Variants in SPAG9 observed in about 807,000 individuals in gnomAD.
The protein encoded by SPAG9 is sperm associated antigen 9, also known as C-Jun-amino-terminal kinase-interacting protein 4.
A neutral mutation model predicts 166.5 loss-of-function variants in SPAG9; 35 were observed. The observed-to-expected ratio is 0.21, with a 90% CI of 0.16 to 0.28. SPAG9 has a LOEUF of 0.28. Ranked by LOEUF, SPAG9 falls within the 10% of genes least tolerant of loss-of-function variation. The pLI, the probability that SPAG9 is intolerant of heterozygous loss-of-function variation, is 1.00. For missense variants in SPAG9, 1,235 were observed against 1,603.3 expected (o/e 0.77, Z 3.92); for synonymous variants, 534 against 565.5 (o/e 0.94, Z 0.79).
intron 3 of SPAG9, among the ~76,000 whole-genome samples, chr17:51,054,949 T>C (rs961281102): frequency 6.6e-6 from 1 of 152,200 alleles, no homozygotes; most frequent in Non-Finnish European, 1.5e-5. Context: ...TTCTACACCC[T>C]ACCCCAAGAA....
At chr17:51,039,292 AATGACAGGG>A (rs748392570) in intron 5 of SPAG9, among the ~76,000 whole-genome samples, 1 of 152,186 alleles carries the variant, frequency 6.6e-6, no homozygotes, top group Non-Finnish European at 1.5e-5. Context: ...CAGAAACCAA[AATGACAGGG>A]CATGTGACAT....
At position 51,030,574 on chromosome 17, in the gene SPAG9, G is replaced by A. The variant is rs553788743; in HGVS notation, c.783+1107C>T. ...TGTGGCATAAAAGAGTTACAAAATG[G>A]TGTGTACATACATTCTTCTGGAGAG... On this transcript the variant is annotated intron_variant, in intron 6 of 29. Coordinates refer to ENST00000262013, the MANE Select transcript of SPAG9 (RefSeq NM_001130528.3). 2.6e-5 allele frequency among the ~76,000 whole-genome samples: 4 copies of A among 152,264 alleles called. No individual in the cohort carries two copies. In the South Asian group the frequency reaches 8.3e-4, roughly 32 times the overall value.
chr17:50,985,811 A>G, intron 22 of SPAG9, 33 bp from the exon 23 acceptor site: 2 of 1,257,192 alleles, frequency 1.6e-6, no homozygotes, highest in Non-Finnish European at 2.3e-6. Flanking sequence ...GGTAAGGCAT[A>G]GAGAACATCA....
intron 6 of SPAG9, chr17:51,031,457 C>A (rs2046381541): frequency 3.7e-6 from 2 of 543,602 alleles, no homozygotes; most frequent in Admixed American, 3.2e-5. Flanking sequence ...ATTTTCTTTC[C>A]TTTATTTAAA....
chr17:51,091,724 T>C (rs925716613), intron 1 of SPAG9, among the ~76,000 whole-genome samples: 16 of 151,866 alleles, frequency 1.1e-4, no homozygotes, highest in African/African-American at 3.9e-4. Flanking sequence ...ACATCTTCAC[T>C]AAATACCCCT....
At chr17:51,013,457 G>C (rs1003266178) in intron 9 of SPAG9, among the ~76,000 whole-genome samples, 3 of 152,154 alleles carry the variant, frequency 2.0e-5, no homozygotes, top group Non-Finnish European at 4.4e-5. Flanking sequence ...ACTCAACTCT[G>C]CTGTTGGTAG....
intron 2 of SPAG9, among the ~76,000 whole-genome samples, chr17:51,077,045 GCTAT>G (rs748664225): frequency 0.022 from 2,137 of 98,982 alleles, 69 homozygotes; most frequent in African/African-American, 0.053. Flanking sequence ...TAGCTATCTA[GCTAT>G]CTAGCTAGCT....
rs538763754 is a variant in SPAG9 at position 51,017,161 on chromosome 17, G to A, written c.1092-2808C>T. The stretch of plus-strand genomic sequence containing the variant: ...TATTTGATCTACAAAATACAGAAAA[G>A]GATTTAAGTGAGTATTTTTTCCATT... On this transcript the variant is annotated intron_variant, in intron 8 of 29. Coordinates refer to ENST00000262013, the MANE Select transcript of SPAG9 (RefSeq NM_001130528.3). Among the ~76,000 whole-genome samples, 4 of 152,282 alleles carry A rather than the reference G, an allele frequency of 2.6e-5. No individual in the cohort carries two copies. In the South Asian group the frequency reaches 8.3e-4, roughly 32 times the overall value.
intron 29 of SPAG9, among the ~76,000 whole-genome samples, chr17:50,968,682 G>C (rs985462225): frequency 3.9e-5 from 6 of 152,106 alleles, no homozygotes; most frequent in Non-Finnish European, 8.8e-5. Flanking sequence ...AGTGAGCCAA[G>C]ATTGTGCCAC....
intron 1 of SPAG9, among the ~76,000 whole-genome samples, chr17:51,104,372 T>C (rs1005557689): frequency 3.3e-4 from 50 of 152,114 alleles, no homozygotes; most frequent in Non-Finnish European, 8.8e-5. Flanking sequence ...CGTGGTGGCT[T>C]ACACCTGTAA....
intron 1 of SPAG9, among the ~76,000 whole-genome samples, chr17:51,100,588 T>A (rs1256283155): frequency 6.6e-6 from 1 of 151,950 alleles, no homozygotes; most frequent in Non-Finnish European, 1.5e-5. Flanking sequence ...GCCATAATCG[T>A]GCCACTGCAC....
chr17:51,038,164 G>T (rs2046693480), intron 5 of SPAG9, among the ~76,000 whole-genome samples: 1 of 152,136 alleles, frequency 6.6e-6, no homozygotes, highest in Non-Finnish European at 1.5e-5. Context: ...TGTATGTGAG[G>T]AAACTATAAA....
At chr17:51,022,122 C>CA (rs747116014) in intron 6 of SPAG9, among the ~76,000 whole-genome samples, 5,413 of 47,844 alleles carry the variant, frequency 0.11, 431 homozygotes, top group African/African-American at 0.26. Context: ...GACTCCATCT[C>CA]AAAAAAAAAA....
At chr17:51,045,225 C>T (rs961635533) in intron 4 of SPAG9, among the ~76,000 whole-genome samples, 8 of 152,160 alleles carry the variant, frequency 5.3e-5, no homozygotes, top group Admixed American at 4.6e-4. Flanking sequence ...CAGCAGCTCA[C>T]GGCACTGCCC....
At chr17:51,024,518 G>GAGTTCGAGAC (rs1336922891) in intron 6 of SPAG9, among the ~76,000 whole-genome samples, 1 of 152,080 alleles carries the variant, frequency 6.6e-6, no homozygotes, top group African/African-American at 2.4e-5. Flanking sequence ...CTGAGGTCAA[G>GAGTTCGAGAC]AGTTCGAGAC....
At chr17:51,094,300 T>C (rs2048553036) in intron 1 of SPAG9, among the ~76,000 whole-genome samples, 1 of 152,134 alleles carries the variant, frequency 6.6e-6, no homozygotes, top group South Asian at 2.1e-4. Flanking sequence ...AGTTCTAGCC[T>C]GAAAGAGAGA....
At chr17:51,075,552 C>T (rs1332861723) in intron 2 of SPAG9, among the ~76,000 whole-genome samples, 1 of 152,166 alleles carries the variant, frequency 6.6e-6, no homozygotes, top group Non-Finnish European at 1.5e-5. Context: ...TGGTCGAGCG[C>T]AGTGGCTTAC....
At position 50,996,687 on chromosome 17, in the gene SPAG9, C is replaced by A. The variant is rs771401784; in HGVS notation, c.1846G>T (p.Ala616Ser). Residue 616 changes from alanine (A) to serine (S), a missense_variant, in exon 16 of 30, where the codon GCT (alanine) becomes TCT (serine). Ala to Ser is a moderately conservative substitution (Grantham distance 99). Transcript: ENST00000262013. ...TGTTCTCTGCGTGAGGCTAAACTAG[C>A]TTCAGTTCTAAAAGGAAAAAAGATT... ...AFDFLSEETE[A>S]SLASRREQKR... 7 of 1,613,992 alleles carry A rather than the reference C, an allele frequency of 4.3e-6. No individual in the cohort carries two copies. The highest frequency in any genetic ancestry group is 5.9e-6 in the Non-Finnish European group (7 of 1,179,962).
chr17:50,997,965 T>A (rs2044750004), intron 15 of SPAG9, among the ~76,000 whole-genome samples: 1 of 151,556 alleles, frequency 6.6e-6, no homozygotes, highest in South Asian at 2.1e-4. Flanking sequence ...AAAGCAATTT[T>A]CATAAAAACT....
Sources: gnomAD v4.1 joint callset for allele counts (sites outside exome capture counted in the v4.1 genomes callset) on GRCh38, gnomAD v4.1.1 for gene constraint, MANE v1.5 for transcripts, NCBI Gene and HGNC (gene_info 2026-07-23, HGNC 2026-07-21) for gene names.